Variants in ZFHX3 observed in about 807,000 individuals in gnomAD.
The protein encoded by ZFHX3 is zinc finger homeobox 3.
ZFHX3 carries 42 observed loss-of-function variants against 279.1 expected under a neutral mutation model. The observed-to-expected ratio is 0.15, with a 90% CI of 0.12 to 0.19. The LOEUF is 0.19. Among genes scored for constraint, ZFHX3 ranks in the 10% least tolerant of loss-of-function variants. The pLI is 1.00. For missense variants in ZFHX3, 4,981 were observed against 4,754.0 expected (o/e 1.05, Z -1.40); for synonymous variants, 2,293 against 1,957.8 (o/e 1.17, Z -4.52).
At chr16:73,269,464 T>C (rs962213976) in intron 4 of ZFHX3, among the ~76,000 whole-genome samples, 1 of 150,968 alleles carries the variant, frequency 6.6e-6, no homozygotes, top group Non-Finnish European at 1.5e-5. Flanking sequence ...TATGATGCCT[T>C]TGAGATCCAT....
intron 3 of ZFHX3, among the ~76,000 whole-genome samples, chr16:72,909,279 G>T (rs892242661): frequency 2.0e-5 from 3 of 152,116 alleles, no homozygotes; most frequent in Non-Finnish European, 4.4e-5. Flanking sequence ...AAAAGCTTAG[G>T]TTTTTAAGGC....
chr16:73,340,715 AG>A (rs2016016094), intron 3 of ZFHX3, among the ~76,000 whole-genome samples: 1 of 152,170 alleles, frequency 6.6e-6, no homozygotes, highest in Non-Finnish European at 1.5e-5. Flanking sequence ...CTGGCTAGAC[AG>A]TTTTTTGATA....
intron 3 of ZFHX3, among the ~76,000 whole-genome samples, chr16:73,365,464 G>A (rs746784873): frequency 6.6e-6 from 1 of 152,186 alleles, no homozygotes; most frequent in African/African-American, 2.4e-5. Flanking sequence ...ACTTGCTAGC[G>A]ATGGGGCTCA....
At chr16:73,438,904 G>A (rs995250627) in intron 3 of ZFHX3, among the ~76,000 whole-genome samples, 3 of 152,282 alleles carry the variant, frequency 2.0e-5, no homozygotes, top group Admixed American at 6.5e-5. Context: ...CGACAGCCAG[G>A]ACCAGAGACA....
Position 72,795,080 on chromosome 16 carries a change from C to G in ZFHX3, c.7602G>C (p.Gln2534His), listed in dbSNP as rs1420109993. 1.2e-6 allele frequency: 2 copies of G among 1,614,092 alleles called. No individual in the cohort carries two copies. Among genetic ancestry groups the G allele is most frequent in the Non-Finnish European group, 1.7e-6 (2 of 1,180,028 alleles). Residue 2534 changes from glutamine to histidine, a missense_variant, in exon 9 of 10, where the codon CAG (glutamine) becomes CAC (histidine). Around this residue, in one of 7 missense-constraint regions of ZFHX3, gnomAD observed 744 missense variants for 701.3 expected, o/e 1.06. Coordinates refer to ENST00000268489, the MANE Select transcript of ZFHX3 (RefSeq NM_006885.4). ...PPQLIPYQCD[Q>H]CKLAFPSFEH... ...CAAATGACGGAAATGCCAACTTACA[C>G]TGGTCACACTGGTAGGGGATTAGCT...
chr16:73,025,533 A>G (rs1964466643), intron 1 of ZFHX3, among the ~76,000 whole-genome samples: 1 of 152,172 alleles, frequency 6.6e-6, no homozygotes, highest in African/African-American at 2.4e-5. Context: ...AGGGTCCTCT[A>G]ATGCCTACAC....
At chr16:72,855,132 C>T (rs1260026839) in intron 4 of ZFHX3, among the ~76,000 whole-genome samples, 1 of 152,222 alleles carries the variant, frequency 6.6e-6, no homozygotes, top group East Asian at 1.9e-4. Context: ...ACCTCTCCCT[C>T]TTCTCCCAAA....
chr16:73,514,932 G>A (rs2019494448), intron 2 of ZFHX3, among the ~76,000 whole-genome samples: 1 of 152,146 alleles, frequency 6.6e-6, no homozygotes, highest in Admixed American at 6.6e-5. Flanking sequence ...CACATATGCG[G>A]TGATAAACAA....
chr16:72,823,648 A>G, intron 5 of ZFHX3, among the ~76,000 whole-genome samples: 1 of 152,226 alleles, frequency 6.6e-6, no homozygotes, highest in East Asian at 1.9e-4. Flanking sequence ...GAAATCTGGG[A>G]AAGTTATTAG....
At chr16:73,295,260 T>G (rs896920010) in intron 4 of ZFHX3, among the ~76,000 whole-genome samples, 1 of 152,186 alleles carries the variant, frequency 6.6e-6, no homozygotes, top group Non-Finnish European at 1.5e-5. Flanking sequence ...TCTTCCTGAA[T>G]GGCCAACTCT....
At chr16:73,295,406 G>C (rs572265153) in intron 4 of ZFHX3, among the ~76,000 whole-genome samples, 3 of 152,246 alleles carry the variant, frequency 2.0e-5, no homozygotes, top group Non-Finnish European at 4.4e-5. Flanking sequence ...GGTTTGGAAA[G>C]AGTATCGAAT....
chr16:73,402,723 A>T (rs1417855557), intron 3 of ZFHX3, among the ~76,000 whole-genome samples: 1 of 152,154 alleles, frequency 6.6e-6, no homozygotes, highest in South Asian at 2.1e-4. Flanking sequence ...TAAAGCAGGG[A>T]CAGGTCTGTA....
At chr16:73,322,818 C>G (rs2015604283) in intron 3 of ZFHX3, among the ~76,000 whole-genome samples, 1 of 152,222 alleles carries the variant, frequency 6.6e-6, no homozygotes, top group African/African-American at 2.4e-5. Flanking sequence ...AGAGTTTCTA[C>G]TTTCAAGGAG....
At chr16:73,008,494 T>A (rs901287046) in intron 1 of ZFHX3, among the ~76,000 whole-genome samples, 2 of 152,204 alleles carry the variant, frequency 1.3e-5, no homozygotes, top group African/African-American at 4.8e-5. Context: ...ATGACTCATA[T>A]AATGCTGTGA....
At chr16:73,017,399 G>C (rs1964141450) in intron 1 of ZFHX3, among the ~76,000 whole-genome samples, 1 of 152,076 alleles carries the variant, frequency 6.6e-6, no homozygotes, top group African/African-American at 2.4e-5. Flanking sequence ...GTTGGCCTTA[G>C]GAGGAGGAAT....
intron 2 of ZFHX3, among the ~76,000 whole-genome samples, chr16:73,505,558 A>G (rs1014990049): frequency 2.8e-4 from 26 of 93,932 alleles, no homozygotes; most frequent in African/African-American, 8.7e-4. Flanking sequence ...ACATTGGAGG[A>G]AAAAAAAAAA....
In ZFHX3 at chr16:73,365,717, C is replaced by A. The variant is rs563277904; in HGVS notation, c.-1290-47381G>T. The stretch of plus-strand genomic sequence containing the variant: ...GCACAGATCTGTATCAGCCCTCTGG[C>A]CCCCAGCTCACCAAAATAAACACAG... On this transcript the variant is annotated intron_variant, in intron 3 of 17. Transcript: ENST00000641206. Among the ~76,000 whole-genome samples, 11 of 152,298 alleles carry A rather than the reference C, an allele frequency of 7.2e-5. No individual in the cohort carries two copies. In the South Asian group the frequency reaches 1.0e-3, roughly 14 times the overall value.
chr16:73,171,554 C>A (rs58523152), intron 5 of ZFHX3, among the ~76,000 whole-genome samples: 5,776 of 152,064 alleles, frequency 0.038, 160 homozygotes, highest in African/African-American at 0.071. Context: ...ATTTCACAGC[C>A]GCAAAGGGGA....
chr16:72,935,011 C>G (rs1381103055), intron 3 of ZFHX3, among the ~76,000 whole-genome samples: 1 of 152,184 alleles, frequency 6.6e-6, no homozygotes, highest in Non-Finnish European at 1.5e-5. Flanking sequence ...GAATGTAGCA[C>G]CTGCAGTAAG....
Sources: allele counts gnomAD v4.1 joint callset (sites outside exome capture counted in the v4.1 genomes callset), GRCh38; gene constraint gnomAD v4.1.1; regional missense constraint gnomAD v4.1.1; transcripts MANE v1.5; gene names NCBI Gene and HGNC (gene_info 2026-07-23, HGNC 2026-07-21).